The following AMD1 variants were observed in gnomAD, a reference collection of about 807,000 sequenced individuals.
The protein encoded by AMD1 is S-adenosylmethionine decarboxylase proenzyme.
AMD1 carries 11 observed loss-of-function variants against 40.2 expected under a neutral mutation model. The observed-to-expected ratio is 0.27, with a 90% confidence interval of 0.17 to 0.45. The LOEUF (loss-of-function observed/expected upper bound fraction) is 0.45. Ranked by LOEUF, AMD1 falls within the 20% of genes least tolerant of loss-of-function variation. The pLI, the probability that AMD1 is intolerant of heterozygous loss-of-function variation, is 1.00. For synonymous variants in AMD1, 121 were observed against 130.8 expected (o/e 0.93, Z 0.51); for missense variants, 257 against 410.2 (o/e 0.63, Z 3.23).
the AMD1 span, among the ~76,000 whole-genome samples, chr6:110,831,037 C>T: frequency 5.3e-5 from 8 of 152,064 alleles, no homozygotes; most frequent in East Asian, 1.5e-3. Context: ...ATTTTTAATT[C>T]GTTTTGCTCT....
At chr6:110,878,392 C>T (rs1785223717) in intron 1 of AMD1, among the ~76,000 whole-genome samples, 1 of 152,116 alleles carries the variant, frequency 6.6e-6, no homozygotes, top group African/African-American at 2.4e-5. Flanking sequence ...ACACTGCTTC[C>T]CTCTTGTAGA....
the AMD1 span, chr6:110,814,784 C>A: frequency 4.4e-6 from 3 of 679,298 alleles, no homozygotes; most frequent in East Asian, 5.9e-5. Context: ...GGGACCGACG[C>A]CTCGGACCGG....
chr6:110,822,985 G>T, the AMD1 span, among the ~76,000 whole-genome samples: 15,031 of 151,960 alleles, frequency 0.099, 1,153 homozygotes, highest in Admixed American at 0.25. Context: ...GCGTAGTGGC[G>T]CATGCCTGTA....
chr6:110,872,207 G>A (rs536746275), upstream of AMD1, among the ~76,000 whole-genome samples: 5 of 152,162 alleles, frequency 3.3e-5, no homozygotes, highest in East Asian at 9.7e-4. Context: ...GAGGAGGTAG[G>A]GACCACACAT....
chr6:110,834,556 C>T, the AMD1 span, among the ~76,000 whole-genome samples: 1 of 151,920 alleles, frequency 6.6e-6, no homozygotes, highest in Non-Finnish European at 1.5e-5. Context: ...AGTGTGGGGG[C>T]TTATGCCTAT....
At chr6:110,864,861 C>T in the AMD1 span, among the ~76,000 whole-genome samples, 16 of 152,190 alleles carry the variant, frequency 1.1e-4, no homozygotes, top group African/African-American at 3.6e-4. Flanking sequence ...CACACAGATA[C>T]CTTTGTTACT....
chr6:110,834,160 T>G, the AMD1 span, among the ~76,000 whole-genome samples: 1 of 152,200 alleles, frequency 6.6e-6, no homozygotes, highest in East Asian at 1.9e-4. Context: ...TGATAATTTT[T>G]TTGTTAATTA....
At chr6:110,865,737 T>A in the AMD1 span, among the ~76,000 whole-genome samples, 1 of 152,010 alleles carries the variant, frequency 6.6e-6, no homozygotes, top group Non-Finnish European at 1.5e-5. Flanking sequence ...TTTAATAAGC[T>A]TTCATTAAAT....
At chr6:110,847,063 G>GT in the AMD1 span, among the ~76,000 whole-genome samples, 33 of 143,272 alleles carry the variant, frequency 2.3e-4, no homozygotes, top group East Asian at 1.1e-3. Context: ...GTGTGTGTGT[G>GT]GTGTGTGTGT....
rs1215606676 is a variant in AMD1, at chr6:110,877,424, A to G, written c.110+2209A>G. Among the ~76,000 whole-genome samples the G allele has an allele frequency of 2.0e-5, 3 of 152,286 alleles. No homozygotes were observed. The East Asian group carries it at 5.8e-4, about 29-fold the overall frequency. ...TTGAATCACCTAAAATCAACAGCCT[A>G]GCAAAGAGAGTATCATGGACGGAGT... On this transcript the variant is annotated intron_variant, in intron 1 of 8. Transcript: ENST00000368885.
the AMD1 span, among the ~76,000 whole-genome samples, chr6:110,835,208 C>T: frequency 7.3e-5 from 11 of 150,990 alleles, no homozygotes; most frequent in East Asian, 2.1e-4. Context: ...TTAGTAGAGA[C>T]GGGGTTTCAC....
At position 110,888,886 on chromosome 6, in the gene AMD1, G is replaced by T; in HGVS notation, c.227G>T (p.Arg76Leu). Residue 76 changes from arginine to leucine, a missense_variant, in exon 3 of 9, where the codon CGT becomes CTT. This residue lies in a region of AMD1 where 8 missense variants were observed against 36.9 expected (regional missense o/e 0.22). Transcript: ENST00000368885. ...SESSMFVSKRRFILKTCGTTL... is the reference protein window; with the variant it reads ...SESSMFVSKRLFILKTCGTTL... ...AGTAGCATGTTTGTCTCCAAGAGAC[G>T]TTTCATTTTGAAGACATGTGGTACC... is the stretch of plus-strand genomic sequence containing the variant. 1 of 1,612,594 alleles carries T rather than the reference G, an allele frequency of 6.2e-7. No individual in the cohort carries two copies. Among genetic ancestry groups the T allele is most frequent in the Non-Finnish European group, 8.5e-7 (1 of 1,179,698 alleles).
the AMD1 span, among the ~76,000 whole-genome samples, chr6:110,861,566 G>T: frequency 7.9e-5 from 12 of 151,766 alleles, no homozygotes; most frequent in Admixed American, 7.9e-4. Flanking sequence ...AATAGGCCAG[G>T]CACGGTGGCT....
the AMD1 span, among the ~76,000 whole-genome samples, chr6:110,855,609 T>G: frequency 1.9e-4 from 29 of 152,264 alleles, no homozygotes; most frequent in East Asian, 5.4e-3. Flanking sequence ...TTCAAGGAAA[T>G]GTCTTCTCCC....
At chr6:110,827,782 A>C in the AMD1 span, among the ~76,000 whole-genome samples, 6 of 148,246 alleles carry the variant, frequency 4.0e-5, no homozygotes, top group Admixed American at 2.0e-4. Flanking sequence ...AAAAAAAAAA[A>C]CACTACGAGA....
chr6:110,817,914 C>T, the AMD1 span, among the ~76,000 whole-genome samples: 1 of 151,928 alleles, frequency 6.6e-6, no homozygotes, highest in African/African-American at 2.4e-5. Flanking sequence ...TAAGCCTTTA[C>T]TTGAAGGACA....
chr6:110,837,322 A>AC, the AMD1 span, among the ~76,000 whole-genome samples: 1 of 151,804 alleles, frequency 6.6e-6, no homozygotes, highest in Admixed American at 6.6e-5. Flanking sequence ...AAAAAAAAAA[A>AC]AAAAGGAAAA....
At chr6:110,824,062 A>C in the AMD1 span, among the ~76,000 whole-genome samples, 2 of 152,210 alleles carry the variant, frequency 1.3e-5, no homozygotes, top group Non-Finnish European at 2.9e-5. Context: ...CAATTCCTGT[A>C]CTGAGTATCT....
At position 110,875,225 on chromosome 6, in the gene AMD1, C is replaced by T. The variant is rs529884003; in HGVS notation, c.110+10C>T. On this transcript the variant is annotated intron_variant, in intron 1 of 8. Transcript: ENST00000368885. ...TTCGCACTATCCCAAGGTGGGTCCC[C>T]GGGGCGCTCGCTGACATCCGGGCCT... The T allele has an allele frequency of 1.3e-6, 2 of 1,591,538 alleles. No homozygotes were observed. The highest frequency in any genetic ancestry group is 2.3e-5 in the East Asian group (1 of 43,380).
Sources: allele counts gnomAD v4.1 joint callset (sites outside exome capture counted in the v4.1 genomes callset), GRCh38; gene constraint gnomAD v4.1.1; regional missense constraint gnomAD v4.1.1; transcripts MANE v1.5; gene names NCBI Gene and HGNC (gene_info 2026-07-23, HGNC 2026-07-21).